LMO7: variants seen among roughly 807,000 people sequenced by gnomAD.
The protein encoded by LMO7 is LIM domain only protein 7.
LMO7 carries 120 observed loss-of-function variants against 206.5 expected under a neutral mutation model. The ratio of observed to expected loss-of-function variants is 0.58; its 90% confidence interval spans 0.50 to 0.68. The LOEUF is 0.68. LMO7 is among the 30% of genes least tolerant of loss of function. LMO7 has a pLI of 0.00. For synonymous variants in LMO7, 706 were observed against 681.5 expected, an observed-to-expected ratio of 1.04 and a Z score of -0.56; for missense variants, 1,959 against 1,957.9, an observed-to-expected ratio of 1.00 and a Z score of -0.01.
At chr13:75,705,370 T>G (rs565959385) in intron 1 of LMO7, among the ~76,000 whole-genome samples, 1 of 152,318 alleles carries the variant, frequency 6.6e-6, no homozygotes, top group African/African-American at 2.4e-5. Context: ...AGGTCCAGGA[T>G]TAAACCTGAG....
At chr13:75,847,111 G>A (rs1426907473) in intron 26 of LMO7, among the ~76,000 whole-genome samples, 1 of 151,528 alleles carries the variant, frequency 6.6e-6, no homozygotes, top group African/African-American at 2.4e-5. Context: ...TGTAAGTATA[G>A]TTGTATAAGA....
chr13:75,647,951 C>CTTTTTT (rs570513211), intron 1 of LMO7, among the ~76,000 whole-genome samples: 32,784 of 90,620 alleles, frequency 0.36, 6,719 homozygotes, highest in East Asian at 0.47. Context: ...TCTTTTCTTT[C>CTTTTTT]TTTTTTTTTT....
chr13:75,737,842 C>A (rs1301098815), intron 3 of LMO7, among the ~76,000 whole-genome samples: 92 of 37,698 alleles, frequency 2.4e-3, no homozygotes, highest in Non-Finnish European at 2.9e-3. Flanking sequence ...AGGAAGCTGC[C>A]AAAAAAAAAA....
At chr13:75,856,359 A>T in intron 29 of LMO7, 147 bp from the exon 30 acceptor site, 1 of 551,958 alleles carries the variant, frequency 1.8e-6, no homozygotes, top group Middle Eastern at 5.0e-4. Context: ...GAATCTACTA[A>T]TCATCTTTCG....
chr13:75,748,929 A>G (rs2139378007), intron 3 of LMO7, among the ~76,000 whole-genome samples: 1 of 150,964 alleles, frequency 6.6e-6, no homozygotes, highest in African/African-American at 2.4e-5. Context: ...CTCCCATCTC[A>G]GCCTCTGGAG....
intron 11 of LMO7, among the ~76,000 whole-genome samples, chr13:75,814,596 C>T (rs2056788942): frequency 1.3e-5 from 2 of 152,132 alleles, no homozygotes; most frequent in Non-Finnish European, 2.9e-5. Context: ...GCTGGGCTCC[C>T]CTTCAGGTAC....
intron 4 of LMO7, among the ~76,000 whole-genome samples, chr13:75,776,336 C>A (rs1213926122): frequency 6.6e-6 from 1 of 150,876 alleles, no homozygotes; most frequent in East Asian, 2.0e-4. Context: ...TCTGTATAGT[C>A]ATTTCCCTTG....
At position 75,804,973 on chromosome 13, in the gene LMO7, C is replaced by T. The variant is rs145675128; in HGVS notation, c.914+432C>T. 339 of 999,546 alleles carry T rather than the reference C, an allele frequency of 3.4e-4. 2 individuals carry two copies. In the African/African-American group the frequency reaches 4.0e-3, roughly 12 times the overall value. The allele number at this position is 999,546 out of a possible 1,614,324, so 61.9% of individuals were successfully genotyped here. A position where few individuals can be genotyped will look rare whatever the true frequency, so the allele number is the denominator to read the frequency against. On this transcript the variant is annotated intron_variant, in intron 8 of 30. Coordinates refer to ENST00000377534, the MANE Select transcript of LMO7 (RefSeq NM_001306080.2). ...GAGGCGTACGGTTTTGAAAGTGGTT[C>T]GGACTCTGAGGATGAACGAAGGTTT...
intron 3 of LMO7, among the ~76,000 whole-genome samples, chr13:75,749,060 G>A (rs2047080203): frequency 6.6e-6 from 1 of 152,064 alleles, no homozygotes; most frequent in African/African-American, 2.4e-5. Context: ...TCCTGCCTAG[G>A]CCTCCCAAAG....
rs576100780 is a variant in LMO7 at position 75,686,377 on chromosome 13, G to A, written c.70-26805G>A. 2.4e-4 allele frequency among the ~76,000 whole-genome samples: 36 copies of A among 152,114 alleles called. No individual in the cohort carries two copies. In the South Asian group the frequency reaches 5.6e-3, roughly 24 times the overall value. ...TCTCGTGAGACTTAATCATCATCAC[G>A]AGAACAGCATGGGAAAGACTTCCCC... On this transcript the variant is annotated intron_variant, in intron 1 of 30. Coordinates refer to ENST00000377534, the MANE Select transcript of LMO7 (RefSeq NM_001306080.2).
intron 11 of LMO7, 109 bp from the exon 12 acceptor site, chr13:75,817,052 G>A (rs767150228): frequency 3.1e-5 from 22 of 712,004 alleles, no homozygotes; most frequent in South Asian, 1.2e-4. Flanking sequence ...TCACTGAAGC[G>A]TCTAGGTAGA....
chr13:75,825,185 A>G lies in LMO7; in HGVS notation c.2949+1312A>G, dbSNP rs565141508. ...ATCATTACATTTTTAAGGAATTGGA[A>G]ATATATAATTAACATGCTAAGTCTC... On this transcript the variant is annotated intron_variant, in intron 15 of 30. Coordinates refer to ENST00000377534, the MANE Select transcript of LMO7 (RefSeq NM_001306080.2). Among the ~76,000 whole-genome samples, 16 of 152,216 alleles carry G rather than the reference A, an allele frequency of 1.1e-4. No individual in the cohort carries two copies. The East Asian group carries it at 3.1e-3, about 29-fold the overall frequency.
chr13:75,804,614 G>A lies in LMO7; in HGVS notation c.914+73G>A. On this transcript the variant is annotated intron_variant, in intron 8 of 30. Coordinates refer to ENST00000377534, the MANE Select transcript of LMO7 (RefSeq NM_001306080.2). ...GGTAGGATGTTAAATGTGGTAAAAAGAATGGCTCTTAAATGTGTTTCATAG... is the reference window on the plus strand; with the variant it reads ...GGTAGGATGTTAAATGTGGTAAAAAAAATGGCTCTTAAATGTGTTTCATAG... 3 of 1,492,568 alleles carry A rather than the reference G, an allele frequency of 2.0e-6. No individual in the cohort carries two copies. The South Asian group carries it at 3.9e-5, about 20-fold the overall frequency. 92.5% of individuals were successfully genotyped at this position (1,492,568 alleles called of 1,614,324 possible).
At chr13:75,734,823 G>T (rs1390159440) in intron 3 of LMO7, among the ~76,000 whole-genome samples, 1 of 152,170 alleles carries the variant, frequency 6.6e-6, no homozygotes, top group Non-Finnish European at 1.5e-5. Flanking sequence ...ATATAGGCCG[G>T]GTGTGGTGGC....
intron 1 of LMO7, among the ~76,000 whole-genome samples, chr13:75,694,494 C>T (rs1193384930): frequency 2.0e-5 from 3 of 152,032 alleles, no homozygotes; most frequent in Non-Finnish European, 4.4e-5. Context: ...TACAGGCAGG[C>T]ATTGAAGTGT....
At chr13:75,792,144 T>A (rs1433120338) in intron 4 of LMO7, among the ~76,000 whole-genome samples, 1 of 152,072 alleles carries the variant, frequency 6.6e-6, no homozygotes, top group East Asian at 1.9e-4. Context: ...AATTTTTACA[T>A]TGTTTAAGAG....
At chr13:75,712,540 G>C (rs2043203886) in intron 1 of LMO7, among the ~76,000 whole-genome samples, 1 of 152,194 alleles carries the variant, frequency 6.6e-6, no homozygotes, top group African/African-American at 2.4e-5. Context: ...GCATGTGCCT[G>C]TTCCTTTGTA....
intron 1 of LMO7, among the ~76,000 whole-genome samples, chr13:75,658,604 G>C (rs2038271095): frequency 6.6e-6 from 1 of 150,770 alleles, no homozygotes; most frequent in Non-Finnish European, 1.5e-5. Context: ...TTATTTTTGA[G>C]ATGGAATCTC....
chr13:75,855,442 G>C (rs2060850754), intron 29 of LMO7, 74 bp downstream of exon 29: 3 of 850,012 alleles, frequency 3.5e-6, no homozygotes, highest in East Asian at 5.3e-5. Flanking sequence ...TGAGCCGCTG[G>C]GTGTAGATGT....
Sources: allele counts gnomAD v4.1 joint callset (sites outside exome capture counted in the v4.1 genomes callset), GRCh38; gene constraint gnomAD v4.1.1; transcripts MANE v1.5; gene names NCBI Gene and HGNC (gene_info 2026-07-23, HGNC 2026-07-21).